Variants in TRAPPC10 observed in about 807,000 individuals in gnomAD.
TRAPPC10 encodes the protein trafficking protein particle complex subunit 10, also known as TRAPP 130 kDa subunit.
Under a neutral mutation model 125.5 loss-of-function variants are expected in TRAPPC10, and 23 were observed. The ratio of observed to expected loss-of-function variants is 0.18; its 90% confidence interval spans 0.13 to 0.26. TRAPPC10 has a LOEUF of 0.26. TRAPPC10 is among the 10% of genes least tolerant of loss of function. The pLI is 1.00. For missense variants in TRAPPC10, 1,123 were observed against 1,308.4 expected, an observed-to-expected ratio of 0.86 and a Z score of 2.19; for synonymous variants, 509 against 518.0, an observed-to-expected ratio of 0.98 and a Z score of 0.24.
chr21:44,079,891 A>T, intron 12 of TRAPPC10, 124 bp from the exon 13 acceptor site: 5 of 1,078,368 alleles, frequency 4.6e-6, no homozygotes, highest in Middle Eastern at 2.4e-4. Context: ...GAGCCCTAGT[A>T]ACTTAAAAAA....
intron 3 of TRAPPC10, among the ~76,000 whole-genome samples, chr21:44,047,642 C>T (rs554136505): frequency 2.2e-3 from 334 of 151,142 alleles, no homozygotes; most frequent in African/African-American, 7.9e-3. Context: ...TTCCCTTTTT[C>T]TTGGTGTTTC....
intron 3 of TRAPPC10, among the ~76,000 whole-genome samples, chr21:44,038,743 C>T (rs1236352961): frequency 1.3e-5 from 2 of 152,048 alleles, no homozygotes; most frequent in Admixed American, 6.5e-5. Context: ...GTAGCCTAGA[C>T]CTGAGGCACA....
intron 18 of TRAPPC10, among the ~76,000 whole-genome samples, chr21:44,090,149 T>C (rs2038472827): frequency 6.6e-6 from 1 of 152,194 alleles, no homozygotes. Flanking sequence ...TGACCTTTTA[T>C]GGTTGCTTTG....
chr21:44,090,869 A>C (rs572111813), intron 18 of TRAPPC10, among the ~76,000 whole-genome samples: 14 of 152,250 alleles, frequency 9.2e-5, no homozygotes, highest in African/African-American at 3.1e-4. Flanking sequence ...AGTTAAAAAC[A>C]TCAATAATCT....
chr21:44,081,628 G>A (rs2037748240), intron 13 of TRAPPC10, among the ~76,000 whole-genome samples: 1 of 152,062 alleles, frequency 6.6e-6, no homozygotes, highest in Non-Finnish European at 1.5e-5. Context: ...AAACTTCTAG[G>A]AACTTCTGCC....
intron 3 of TRAPPC10, among the ~76,000 whole-genome samples, chr21:44,051,371 G>T (rs1402458166): frequency 1.3e-5 from 2 of 152,190 alleles, no homozygotes; most frequent in Admixed American, 1.3e-4. Context: ...ACTGTGTCCA[G>T]ATATTGTCAG....
In TRAPPC10 at chr21:44,059,576, G is replaced by A. The variant is rs1329978175; in HGVS notation, c.790+362G>A. 1.4e-6 allele frequency: 1 copy of A among 699,174 alleles called. No individual in the cohort carries two copies. Among genetic ancestry groups the A allele is most frequent in the African/African-American group, 1.8e-5 (1 of 55,898 alleles). The allele number at this position is 699,174 out of a possible 1,614,324, so 43.3% of individuals were successfully genotyped here. A position where few individuals can be genotyped will look rare whatever the true frequency, so the allele number is the denominator to read the frequency against. The stretch of plus-strand genomic sequence containing the variant: ...GCCTTCCATCCAGGGGTTATCTTTG[G>A]AATGCTCGAGTGCTCATTGCTGTGA... On this transcript the variant is annotated intron_variant, in intron 6 of 22. Coordinates refer to ENST00000291574, the MANE Select transcript of TRAPPC10 (RefSeq NM_003274.5). This position sits in a 1 kb window ranked among gnomAD's most constrained non-coding sequence, Gnocchi z 4.4.
chr21:44,061,627 G>A (rs1453321029), intron 6 of TRAPPC10, among the ~76,000 whole-genome samples: 5 of 152,168 alleles, frequency 3.3e-5, no homozygotes, highest in Non-Finnish European at 5.9e-5. Flanking sequence ...AAAAACGTTT[G>A]AATTTAATAA....
rs746024576 is a variant in TRAPPC10 at position 44,074,279 on chromosome 21, C to T, written c.1039-45C>T. 3.7e-6 allele frequency: 6 copies of T among 1,611,128 alleles called. No homozygotes were observed. The African/African-American group carries it at 8.0e-5, about 22-fold the overall frequency. On this transcript the variant is annotated intron_variant, in intron 7 of 22. Coordinates refer to ENST00000291574, the MANE Select transcript of TRAPPC10 (RefSeq NM_003274.5). ...GCATGTGGGTTTGTTCAAGCTAGAG[C>T]TGTCCCGGAGCACCCCTCACACGTT...
chr21:44,015,985 C>T (rs2031796631), intron 1 of TRAPPC10, among the ~76,000 whole-genome samples: 1 of 152,192 alleles, frequency 6.6e-6, no homozygotes, highest in Non-Finnish European at 1.5e-5. Flanking sequence ...GAGGGACTAG[C>T]ACAGTAGGGG....
intron 7 of TRAPPC10, among the ~76,000 whole-genome samples, chr21:44,068,845 A>T (rs988204220): frequency 4.0e-5 from 6 of 151,804 alleles, no homozygotes; most frequent in African/African-American, 1.5e-4. Flanking sequence ...CAAGTGATCT[A>T]CCCTCCTCAG....
At chr21:44,027,838 T>G (rs2033211427) in intron 1 of TRAPPC10, among the ~76,000 whole-genome samples, 1 of 152,106 alleles carries the variant, frequency 6.6e-6, no homozygotes, top group South Asian at 2.1e-4. Flanking sequence ...ATTAGTGCCC[T>G]TATAAAAAAG....
At chr21:44,015,337 A>G (rs2031697006) in intron 1 of TRAPPC10, among the ~76,000 whole-genome samples, 1 of 152,214 alleles carries the variant, frequency 6.6e-6, no homozygotes, top group African/African-American at 2.4e-5. Context: ...TAGGGATAGA[A>G]GAATGAAAAG....
chr21:44,087,966 G>A lies in TRAPPC10; in HGVS notation c.2769+38G>A, dbSNP rs59464702. On this transcript the variant is annotated intron_variant, in intron 17 of 22. Coordinates refer to ENST00000291574, the MANE Select transcript of TRAPPC10 (RefSeq NM_003274.5). The surrounding 1 kb of genome is among the most constrained non-coding windows in gnomAD (Gnocchi z 4.6). ...AGTGGAGGAGCTTAGCTTGTGGGGCGTCCGCCGCCCGCCTGCCTGCTGGGA... is the reference window on the plus strand; with the variant it reads ...AGTGGAGGAGCTTAGCTTGTGGGGCATCCGCCGCCCGCCTGCCTGCTGGGA... 4.5e-5 allele frequency: 70 copies of A among 1,544,594 alleles called. No homozygotes were observed. Among genetic ancestry groups the A allele is most frequent in the Non-Finnish European group, 4.9e-5 (56 of 1,134,934 alleles).
At chr21:44,092,349 G>A (rs2038644238) in intron 19 of TRAPPC10, among the ~76,000 whole-genome samples, 1 of 152,206 alleles carries the variant, frequency 6.6e-6, no homozygotes, top group Non-Finnish European at 1.5e-5. Flanking sequence ...GATTGCATGG[G>A]CACTGCTCCA....
intron 8 of TRAPPC10, 148 bp downstream of exon 8, chr21:44,074,618 G>A (rs2037139281): frequency 9.5e-7 from 1 of 1,047,504 alleles, no homozygotes; most frequent in Non-Finnish European, 1.4e-6. Context: ...TCTGGGTGCA[G>A]CCAAAGAAGT....
At chr21:44,071,157 T>C (rs1000557957) in intron 7 of TRAPPC10, among the ~76,000 whole-genome samples, 1 of 152,224 alleles carries the variant, frequency 6.6e-6, no homozygotes, top group African/African-American at 2.4e-5. Context: ...TTTCATTATA[T>C]GAAGTTCACA....
intron 3 of TRAPPC10, among the ~76,000 whole-genome samples, chr21:44,042,010 C>T (rs529424589): frequency 6.6e-6 from 1 of 152,238 alleles, no homozygotes; most frequent in African/African-American, 2.4e-5. Flanking sequence ...CGGCGCCCAG[C>T]CCCCATCATT....
intron 13 of TRAPPC10, among the ~76,000 whole-genome samples, chr21:44,080,986 C>CT (rs1355169183): frequency 6.7e-6 from 1 of 149,912 alleles, no homozygotes; most frequent in Non-Finnish European, 1.5e-5. Context: ...CAACCATTAC[C>CT]ACAGTCAATA....
Sources: allele counts gnomAD v4.1 joint callset (sites outside exome capture counted in the v4.1 genomes callset), GRCh38; gene constraint gnomAD v4.1.1; non-coding constraint Gnocchi (gnomAD v3.1); transcripts MANE v1.5; gene names NCBI Gene and HGNC (gene_info 2026-07-23, HGNC 2026-07-21).